HKDC1: variants seen among roughly 807,000 people sequenced by gnomAD.
HKDC1 encodes hexokinase HKDC1.
Under a neutral mutation model 96.6 loss-of-function variants are expected in HKDC1, and 66 were observed. That is an observed-to-expected ratio of 0.68 (90% CI 0.56 to 0.84). The LOEUF is 0.84. Among genes scored for constraint, HKDC1 ranks in the 40% least tolerant of loss-of-function variants. The pLI is 0.00. For missense variants in HKDC1, 1,211 were observed against 1,208.1 expected (o/e 1.00, Z -0.04); for synonymous variants, 466 against 473.1 (o/e 0.98, Z 0.20).
At position 69,233,147 on chromosome 10, in the gene HKDC1, G is replaced by C; in HGVS notation, c.495+14G>C. 1.2e-6 allele frequency: 2 copies of C among 1,613,458 alleles called. No individual in the cohort carries two copies. The highest frequency in any genetic ancestry group is 1.7e-6 in the Non-Finnish European group (2 of 1,179,916). ...AAACTGGAAGAGGTAAGGCGCGGAGGGAAGCAGCAGTGCAGGAATTGGGGC... is the reference window on the plus strand; with the variant it reads ...AAACTGGAAGAGGTAAGGCGCGGAGCGAAGCAGCAGTGCAGGAATTGGGGC... On this transcript the variant is annotated intron_variant, in intron 4 of 17. Coordinates refer to ENST00000354624, the MANE Select transcript of HKDC1 (RefSeq NM_025130.4).
At position 69,246,135 on chromosome 10, in the gene HKDC1, T is replaced by G; in HGVS notation, c.932T>G (p.Leu311Arg). Reference sequence around the variant, plus strand: ...GGGGAGCTTGTCAGGCTTATCTTGCTGAAGATGGCCAAGGCTGGCCTCCTG... The same window carrying G: ...GGGGAGCTTGTCAGGCTTATCTTGCGGAAGATGGCCAAGGCTGGCCTCCTG... ...YLGELVRLIL[L>R]KMAKAGLLFG... Residue 311 changes from leucine to arginine, a missense_variant, in exon 8 of 18, where the codon CTG (leucine) becomes CGG (arginine). By Grantham distance (102) the Leu-to-Arg change is moderately radical. Coordinates refer to ENST00000354624, the MANE Select transcript of HKDC1 (RefSeq NM_025130.4). 6.2e-7 allele frequency: 1 copy of G among 1,614,268 alleles called. No individual in the cohort carries two copies. Among genetic ancestry groups the G allele is most frequent in the Admixed American group, 1.7e-5 (1 of 60,030 alleles).
intron 9 of HKDC1, 106 bp downstream of exon 9, chr10:69,247,699 C>A: frequency 1.2e-6 from 1 of 804,174 alleles, no homozygotes; most frequent in Non-Finnish European, 2.0e-6. Flanking sequence ...ACCAACAACC[C>A]CTCTTGTTGG....
Position 69,243,291 on chromosome 10 carries a change from C to T in HKDC1, c.801C>T (p.Asp267=), listed in dbSNP as rs766398895. 75 of 1,613,716 alleles carry T rather than the reference C, an allele frequency of 4.6e-5. No homozygotes were observed. Among genetic ancestry groups the T allele is most frequent in the African/African-American group, 6.7e-5 (5 of 75,014 alleles). The part of the protein sequence containing the change: ...INTEWGAFGD[D]GALEDIRTEF... ...CAGAGTGGGGGGCCTTCGGGGACGA[C>T]GGGGCCCTGGAGGACATTCGCACTG... Residue 267 remains aspartate (D), a synonymous_variant, in exon 7 of 18, where the codon GAC becomes GAT. Transcript: ENST00000354624.
chr10:69,246,293 G>C, intron 8 of HKDC1, 59 bp downstream of exon 8: 1 of 1,583,202 alleles, frequency 6.3e-7, no homozygotes. Context: ...CCCAGGTGTG[G>C]GGTGCTCCAT....
At chr10:69,255,755 A>G (rs1253840109) in intron 12 of HKDC1, among the ~76,000 whole-genome samples, 2 of 151,994 alleles carry the variant, frequency 1.3e-5, no homozygotes, top group African/African-American at 4.8e-5. Context: ...CGTCTCTACT[A>G]AAAATACAAA....
intron 4 of HKDC1, among the ~76,000 whole-genome samples, chr10:69,235,573 G>A (rs1843348589): frequency 6.6e-6 from 1 of 152,208 alleles, no homozygotes; most frequent in South Asian, 2.1e-4. Flanking sequence ...TGGGAATCAG[G>A]GCCCTGGCTG....
chr10:69,238,327 G>C (rs1328245138), intron 4 of HKDC1, among the ~76,000 whole-genome samples: 1 of 152,000 alleles, frequency 6.6e-6, no homozygotes, highest in Non-Finnish European at 1.5e-5. Flanking sequence ...TGTGGACCTG[G>C]CAAACCATGC....
At chr10:69,232,702 C>A in intron 2 of HKDC1, 62 bp from the exon 3 acceptor site, 1 of 1,463,658 alleles carries the variant, frequency 6.8e-7, no homozygotes, top group Non-Finnish European at 9.5e-7. Context: ...ACCTCTAATG[C>A]AGAGCTTGCC....
At chr10:69,250,472 C>T in intron 11 of HKDC1, 37 bp downstream of exon 11, 1 of 1,611,848 alleles carries the variant, frequency 6.2e-7, no homozygotes, top group Non-Finnish European at 8.5e-7. Flanking sequence ...TCCGAGGTGC[C>T]AGCCTGCCAC....
rs185261510 is a variant in HKDC1 at position 69,250,519 on chromosome 10, C to G, written c.1717-14C>G. 2.2e-5 allele frequency: 35 copies of G among 1,613,930 alleles called. No individual in the cohort carries two copies. The highest frequency in any genetic ancestry group is 2.8e-5 in the Non-Finnish European group (33 of 1,179,992). On this transcript the variant is annotated splice_polypyrimidine_tract_variant and intron_variant, in intron 11 of 17. Transcript: ENST00000354624. ...GTCCGCCTGGTGTGAATGCCGCTCT[C>G]TCTCTCTCTGCAGCTCTTTGATCAC...
chr10:69,267,209 C>A lies in HKDC1; in HGVS notation c.*452C>A, dbSNP rs1156999743. On this transcript the variant is annotated 3_prime_UTR_variant, in exon 18 of 18. Coordinates refer to ENST00000354624, the MANE Select transcript of HKDC1 (RefSeq NM_025130.4). ...TGAACATTGGAGAGCAAGAGGAACTCACGTTATGAACTAGGGGGATCTCAT... is the reference window on the plus strand; with the variant it reads ...TGAACATTGGAGAGCAAGAGGAACTAACGTTATGAACTAGGGGGATCTCAT... 1.1e-5 allele frequency: 3 copies of A among 264,106 alleles called. No homozygotes were observed. The highest frequency in any genetic ancestry group is 2.2e-5 in the Non-Finnish European group (3 of 135,722). The allele number at this position is 264,106 out of a possible 1,614,324, so 16.4% of individuals were successfully genotyped here. A position where few individuals can be genotyped will look rare whatever the true frequency, so the allele number is the denominator to read the frequency against.
chr10:69,259,186 GT>G (rs1355874699), intron 15 of HKDC1, among the ~76,000 whole-genome samples: 13 of 152,332 alleles, frequency 8.5e-5, no homozygotes, highest in African/African-American at 3.1e-4. Context: ...TCTAGTGGTG[GT>G]TCTGGAAGTG....
chr10:69,235,902 G>C (rs1422128125), intron 4 of HKDC1, among the ~76,000 whole-genome samples: 1 of 152,052 alleles, frequency 6.6e-6, no homozygotes, highest in African/African-American at 2.4e-5. Context: ...GCATTATCTT[G>C]TTAAATCCCC....
chr10:69,258,058 C>T (rs574129536), intron 14 of HKDC1, among the ~76,000 whole-genome samples: 11 of 152,280 alleles, frequency 7.2e-5, no homozygotes, highest in African/African-American at 2.6e-4. Flanking sequence ...TCCATTTGAT[C>T]ATCTGGGCTT....
chr10:69,234,113 T>A (rs547636635), intron 4 of HKDC1, among the ~76,000 whole-genome samples: 1 of 152,152 alleles, frequency 6.6e-6, no homozygotes. Flanking sequence ...TGGGGCCAGG[T>A]TGGGGGAGTT....
At chr10:69,241,061 C>A (rs375444152) in intron 6 of HKDC1, among the ~76,000 whole-genome samples, 2 of 151,668 alleles carry the variant, frequency 1.3e-5, no homozygotes, top group Non-Finnish European at 2.9e-5. Context: ...TGGTGGTTAG[C>A]GTGATAAAAA....
intron 17 of HKDC1, 141 bp from the exon 18 acceptor site, chr10:69,266,469 A>AG (rs1843900639): frequency 2.3e-6 from 2 of 881,720 alleles, no homozygotes; most frequent in African/African-American, 1.7e-5. Context: ...TGTCTAAAAA[A>AG]AAAAAAAAAT....
intron 10 of HKDC1, among the ~76,000 whole-genome samples, chr10:69,249,418 A>G (rs1843599737): frequency 6.6e-6 from 1 of 152,254 alleles, no homozygotes; most frequent in Admixed American, 6.5e-5. Flanking sequence ...TACAGAGGCT[A>G]GATGACCTAC....
At chr10:69,260,760 G>A (rs992962634) in intron 15 of HKDC1, among the ~76,000 whole-genome samples, 1 of 152,096 alleles carries the variant, frequency 6.6e-6, no homozygotes, top group Non-Finnish European at 1.5e-5. Flanking sequence ...AAGGAGGAAG[G>A]GAATTAATGC....
Sources: gnomAD v4.1 joint callset for allele counts (sites outside exome capture counted in the v4.1 genomes callset) on GRCh38, gnomAD v4.1.1 for gene constraint, MANE v1.5 for transcripts, NCBI Gene and HGNC (gene_info 2026-07-23, HGNC 2026-07-21) for gene names.